Variants in MGAT5B observed in about 807,000 individuals in gnomAD.
MGAT5B encodes the protein N-acetylglucosaminyl-transferase Vb.
A neutral mutation model predicts 95.1 loss-of-function variants in MGAT5B; 54 were observed. The ratio of observed to expected loss-of-function variants is 0.57; its 90% CI spans 0.46 to 0.71. The LOEUF (loss-of-function observed/expected upper bound fraction) is 0.71, where lower values mean the gene tolerates loss of function less well. Among genes scored for constraint, MGAT5B ranks in the 30% least tolerant of loss-of-function variants. The pLI is 0.00. For missense variants in MGAT5B, 935 were observed against 1,088.6 expected (o/e 0.86, Z 1.99); for synonymous variants, 464 against 451.0 (o/e 1.03, Z -0.36).
At chr17:76,881,164 C>T (rs996544682) in intron 2 of MGAT5B, among the ~76,000 whole-genome samples, 1 of 152,160 alleles carries the variant, frequency 6.6e-6, no homozygotes, top group East Asian at 1.9e-4. Flanking sequence ...AGAACTCGCT[C>T]CCGCACACTG....
At chr17:76,897,645 T>C (rs1462297511) in intron 3 of MGAT5B, among the ~76,000 whole-genome samples, 2 of 147,940 alleles carry the variant, frequency 1.4e-5, no homozygotes, top group South Asian at 2.2e-4. Context: ...AAAGACCCTA[T>C]TCCCAAGTAA....
intron 8 of MGAT5B, among the ~76,000 whole-genome samples, chr17:76,923,061 G>A (rs967641106): frequency 2.6e-5 from 4 of 152,186 alleles, no homozygotes; most frequent in African/African-American, 9.7e-5. Flanking sequence ...CCATCACAGC[G>A]CTGTCGGCAG....
chr17:76,880,403 G>T (rs1187703439), intron 2 of MGAT5B, among the ~76,000 whole-genome samples: 2 of 152,194 alleles, frequency 1.3e-5, no homozygotes, highest in South Asian at 2.1e-4. Flanking sequence ...TTATATCAGG[G>T]TGGGAACGTG....
intron 8 of MGAT5B, among the ~76,000 whole-genome samples, chr17:76,908,435 T>A (rs1162813660): frequency 3.9e-5 from 6 of 152,002 alleles, no homozygotes; most frequent in Non-Finnish European, 7.4e-5. Flanking sequence ...CCTGGCTAAT[T>A]TCTGTATTTT....
At chr17:76,871,760 C>T (rs1004178060) in intron 1 of MGAT5B, among the ~76,000 whole-genome samples, 2 of 152,072 alleles carry the variant, frequency 1.3e-5, no homozygotes, top group Non-Finnish European at 2.9e-5. Flanking sequence ...AGATGGGGTT[C>T]CTCACCCTGA....
In MGAT5B at chr17:76,926,749, A is replaced by C. The variant is rs760159916; in HGVS notation, c.1291+19A>C. On this transcript the variant is annotated intron_variant, in intron 10 of 17. Transcript: ENST00000569840. ...ATGTTTCGTGAGTGCCCCACAGGGC[A>C]GGGGTGGGGTCGGAGGTCCTCCTCA... 6.2e-7 allele frequency: 1 copy of C among 1,611,468 alleles called. No homozygotes were observed. Among genetic ancestry groups the C allele is most frequent in the South Asian group, 1.1e-5 (1 of 90,998 alleles).
At position 76,868,847 on chromosome 17, in the gene MGAT5B, C is replaced by T. The variant is rs535717314; in HGVS notation, c.-183C>T. 2.2e-5 allele frequency: 8 copies of T among 356,606 alleles called. No homozygotes were observed. Among genetic ancestry groups the T allele is most frequent in the Middle Eastern group, 1.6e-3 (2 of 1,282 alleles). The allele number at this position is 356,606 out of a possible 1,614,324, so 22.1% of individuals were successfully genotyped here. A position where few individuals can be genotyped will look rare whatever the true frequency, so the allele number is the denominator to read the frequency against. On this transcript the variant is annotated 5_prime_UTR_variant, in exon 1 of 18. Coordinates refer to ENST00000569840, the MANE Select transcript of MGAT5B (RefSeq NM_001199172.2). The surrounding 1 kb of genome is among the most constrained non-coding windows in gnomAD (Gnocchi z 6.3). ...GGCGCCCTCGCCGCCCTCCGGCAGCCGCGCCGCTCCCTCCGCTGCACGCCC... is the reference window on the plus strand; with the variant it reads ...GGCGCCCTCGCCGCCCTCCGGCAGCTGCGCCGCTCCCTCCGCTGCACGCCC...
intron 10 of MGAT5B, among the ~76,000 whole-genome samples, chr17:76,932,094 CCT>C (rs1228062485): frequency 1.5e-5 from 2 of 129,568 alleles, no homozygotes; most frequent in Non-Finnish European, 3.3e-5. Context: ...CTCCCCCCCC[CCT>C]TCTTCGTCTT....
At chr17:76,898,539 G>C (rs1331670671) in intron 3 of MGAT5B, among the ~76,000 whole-genome samples, 1 of 151,910 alleles carries the variant, frequency 6.6e-6, no homozygotes, top group African/African-American at 2.4e-5. Flanking sequence ...CTGACCTCAG[G>C]TGATCCACCC....
At chr17:76,931,207 A>G (rs56295876) in intron 10 of MGAT5B, among the ~76,000 whole-genome samples, 10,445 of 152,214 alleles carry the variant, frequency 0.069, 425 homozygotes, top group South Asian at 0.1. Context: ...AGTGATTCTC[A>G]TGCCTCAGTC....
chr17:76,916,364 C>T lies in MGAT5B; in HGVS notation c.1026-8602C>T, dbSNP rs150717811. On this transcript the variant is annotated intron_variant, in intron 8 of 17. Coordinates refer to ENST00000569840, the MANE Select transcript of MGAT5B (RefSeq NM_001199172.2). This position sits in a 1 kb window ranked among gnomAD's most constrained non-coding sequence, Gnocchi z 5.3. ...TAAGCAAGACCGATGGAGGCCGTGC[C>T]GTGTCGCCTTTCCCAGCTCTGGCCT... is the stretch of plus-strand genomic sequence containing the variant. Among the ~76,000 whole-genome samples, 368 of 152,372 alleles carry T rather than the reference C, an allele frequency of 2.4e-3. No individual in the cohort carries two copies. Among genetic ancestry groups the T allele is most frequent in the Middle Eastern group, 0.01 (3 of 294 alleles).
chr17:76,875,820 A>G (rs1290814216), intron 2 of MGAT5B, among the ~76,000 whole-genome samples: 2 of 151,808 alleles, frequency 1.3e-5, no homozygotes, highest in Non-Finnish European at 2.9e-5. Flanking sequence ...TGGTAAACAT[A>G]CGTAGGCATT....
chr17:76,936,174 A>AT (rs1969663413), intron 12 of MGAT5B, among the ~76,000 whole-genome samples: 1 of 151,964 alleles, frequency 6.6e-6, no homozygotes, highest in Non-Finnish European at 1.5e-5. Context: ...TTGGGAGGCC[A>AT]TGGCGGGGTG....
chr17:76,910,973 C>A (rs1968711925), intron 8 of MGAT5B, among the ~76,000 whole-genome samples: 1 of 152,198 alleles, frequency 6.6e-6, no homozygotes, highest in Non-Finnish European at 1.5e-5. Context: ...AAAGCAAAAC[C>A]ACCCTCCCCA....
intron 2 of MGAT5B, among the ~76,000 whole-genome samples, chr17:76,873,297 A>G (rs1384438658): frequency 6.6e-6 from 1 of 152,200 alleles, no homozygotes; most frequent in Non-Finnish European, 1.5e-5. Context: ...TCCTTGAGGC[A>G]CACATTTCCT....
Position 76,904,274 on chromosome 17 carries a change from C to G in MGAT5B, c.542C>G (p.Ser181Cys). 6.2e-7 allele frequency: 1 copy of G among 1,610,542 alleles called. No individual in the cohort carries two copies. The highest frequency in any genetic ancestry group is 8.5e-7 in the Non-Finnish European group (1 of 1,178,928). ...KVEWMRARWT[S>C]DPCYAFFGVD... ...CAGTGGATGCGTGCCCGCTGGACCT[C>G]TGACCCCTGCTACGCCTTCTTTGGG... The change falls in exon 6 of 18, where the codon TCT (serine) becomes TGT (cysteine). Residue 181 changes from serine (S) to cysteine (C), a missense_variant. Around this residue, in one of 4 missense-constraint regions of MGAT5B, gnomAD observed 243 missense variants for 305.5 expected, o/e 0.80. Coordinates refer to ENST00000569840, the MANE Select transcript of MGAT5B (RefSeq NM_001199172.2).
chr17:76,872,975 G>T lies in MGAT5B; in HGVS notation c.181+12G>T, dbSNP rs1755622099. On this transcript the variant is annotated intron_variant, in intron 2 of 17. Transcript: ENST00000569840. ...CATCCGCACAGAAGGTACCTTGGTG[G>T]GGCAAGGGGAGTGTGAGATGAGTGA... The T allele has an allele frequency of 6.2e-7, 1 of 1,612,486 alleles. No individual in the cohort carries two copies. Among genetic ancestry groups the T allele is most frequent in the South Asian group, 1.1e-5 (1 of 91,074 alleles).
At position 76,932,777 on chromosome 17, in the gene MGAT5B, T is replaced by G; in HGVS notation, c.1422+2T>G. On this transcript the variant is annotated splice_donor_variant, in intron 11 of 17. Coordinates refer to ENST00000569840, the MANE Select transcript of MGAT5B (RefSeq NM_001199172.2). LOFTEE classifies it high-confidence loss of function. ...GGCAAGGAGGCGAGCATCTGGAAGGTGAGCGCGGCCCCTGCGCGCGGGAAG... is the reference window on the plus strand; with the variant it reads ...GGCAAGGAGGCGAGCATCTGGAAGGGGAGCGCGGCCCCTGCGCGCGGGAAG... The G allele has an allele frequency of 6.2e-7, 1 of 1,613,312 alleles. No individual in the cohort carries two copies. Among genetic ancestry groups the G allele is most frequent in the Non-Finnish European group, 8.5e-7 (1 of 1,179,758 alleles).
chr17:76,894,527 G>A (rs917372635), intron 3 of MGAT5B, among the ~76,000 whole-genome samples: 3 of 152,170 alleles, frequency 2.0e-5, no homozygotes, highest in African/African-American at 7.2e-5. Context: ...CTGCCTCCCT[G>A]GGTGGCTTTA....
Sources: gnomAD v4.1 joint callset for allele counts (sites outside exome capture counted in the v4.1 genomes callset) on GRCh38, gnomAD v4.1.1 for gene constraint, gnomAD v4.1.1 regional missense constraint, Gnocchi (gnomAD v3.1) non-coding constraint, MANE v1.5 for transcripts, NCBI Gene and HGNC (gene_info 2026-07-23, HGNC 2026-07-21) for gene names.